CARMIL3: variants seen among roughly 807,000 people sequenced by gnomAD.
CARMIL3 encodes capping protein, Arp2/3 and myosin-I linker protein 3.
CARMIL3 carries 88 observed loss-of-function variants against 180.8 expected under a neutral mutation model. The observed-to-expected ratio is 0.49, with a 90% CI of 0.41 to 0.58. The LOEUF (loss-of-function observed/expected upper bound fraction) is 0.58, where lower values mean the gene tolerates loss of function less well. Among genes scored for constraint, CARMIL3 ranks in the 20% least tolerant of loss-of-function variants. The pLI is 0.00. For synonymous variants in CARMIL3, 696 were observed against 714.5 expected, an observed-to-expected ratio of 0.97 and a Z score of 0.41; for missense variants, 1,548 against 1,787.0, an observed-to-expected ratio of 0.87 and a Z score of 2.41.
rs371574140 is a variant in CARMIL3 at position 24,060,135 on chromosome 14, C to T, written c.1963-22C>T. 23 of 1,613,848 alleles carry T rather than the reference C, an allele frequency of 1.4e-5. No homozygotes were observed. The African/African-American group carries it at 2.9e-4, about 21-fold the overall frequency. The stretch of plus-strand genomic sequence containing the variant: ...GCAGCCCCCATCCCCAGGCCCTGAC[C>T]CACCAACCCCATCATCTCCAGATCC... On this transcript the variant is annotated intron_variant, in intron 23 of 39. Transcript: ENST00000342740.
chr14:24,054,798 C>A lies in CARMIL3; in HGVS notation c.450C>A (p.His150Gln). 6.2e-7 allele frequency: 1 copy of A among 1,613,942 alleles called. No individual in the cohort carries two copies. Among genetic ancestry groups the A allele is most frequent in the Non-Finnish European group, 8.5e-7 (1 of 1,179,872 alleles). Residue 150 changes from histidine to glutamine, a missense_variant, in exon 6 of 40, where the codon CAC becomes CAA. Transcript: ENST00000342740. The surrounding 1 kb of genome is among the most constrained non-coding windows in gnomAD (Gnocchi z 5.1). ...PNSETSTSTTHSVCGGFSETY... is the reference protein window; with the variant it reads ...PNSETSTSTTQSVCGGFSETY... ...CTGAGACTTCCACATCTACCACCCA[C>A]AGTGTCTGCGGTGAGCAGGGGCAGA...
At position 24,055,317 on chromosome 14, in the gene CARMIL3, A is replaced by T; in HGVS notation, c.605+7A>T. ...TCAGCCACTTGGAGAGCCGGTAAGC[A>T]GATGGGGCAGAGACTCCACCCTCAA... On this transcript the variant is annotated splice_region_variant and intron_variant, in intron 8 of 39. Coordinates refer to ENST00000342740, the MANE Select transcript of CARMIL3 (RefSeq NM_138360.4). 1 of 1,614,082 alleles carries T rather than the reference A, an allele frequency of 6.2e-7. No individual in the cohort carries two copies. The highest frequency in any genetic ancestry group is 8.5e-7 in the Non-Finnish European group (1 of 1,179,968).
chr14:24,068,165 G>A (rs748680921), intron 36 of CARMIL3, among the ~76,000 whole-genome samples: 7 of 152,348 alleles, frequency 4.6e-5, no homozygotes, highest in Middle Eastern at 3.4e-3. Context: ...TTGGGAGACC[G>A]AGGTAGGTGG....
rs766333493 is a variant in CARMIL3 at position 24,069,437 on chromosome 14, A to G, written c.*33A>G. On this transcript the variant is annotated 3_prime_UTR_variant, in exon 40 of 40. Transcript: ENST00000342740. ...CACAACACCCTCCTCAGCCCTCGAC[A>G]TGTGCCTCGCAAGGACTCAGACCCC... is the stretch of plus-strand genomic sequence containing the variant. The G allele has an allele frequency of 8.1e-6, 13 of 1,613,882 alleles. No homozygotes were observed. Among genetic ancestry groups the G allele is most frequent in the Non-Finnish European group, 1.1e-5 (13 of 1,179,916 alleles).
At chr14:24,052,340 G>T (rs1193558005) in intron 1 of CARMIL3, 147 bp downstream of exon 1, 1 of 767,250 alleles carries the variant, frequency 1.3e-6, no homozygotes, top group Admixed American at 3.4e-5. Context: ...ATTCCAGTCC[G>T]GGCATCGCTG....
At position 24,062,856 on chromosome 14, in the gene CARMIL3, C is replaced by T. The variant is rs554350168; in HGVS notation, c.2706+10C>T. ...ACTTGGGACCAACATTGTGAGCCCC[C>T]CGCTCCCTGCTCCTCCTTAATAACC... On this transcript the variant is annotated intron_variant, in intron 29 of 39. Coordinates refer to ENST00000342740, the MANE Select transcript of CARMIL3 (RefSeq NM_138360.4). The T allele has an allele frequency of 3.1e-6, 5 of 1,596,454 alleles. No homozygotes were observed. In the African/African-American group the frequency reaches 6.7e-5, roughly 21 times the overall value.
At chr14:24,066,989 T>C (rs998829725) in intron 36 of CARMIL3, among the ~76,000 whole-genome samples, 4 of 152,200 alleles carry the variant, frequency 2.6e-5, no homozygotes, top group African/African-American at 9.6e-5. Flanking sequence ...GGCTCCTCTC[T>C]GCACCTTGCT....
intron 14 of CARMIL3, 100 bp downstream of exon 14, chr14:24,057,344 G>A (rs981363074): frequency 9.1e-7 from 1 of 1,095,316 alleles, no homozygotes. Flanking sequence ...GGCGGGCAGA[G>A]CTGTCTAGAT....
chr14:24,060,287 C>G (rs1309286516), intron 24 of CARMIL3, 32 bp downstream of exon 24: 13 of 1,609,136 alleles, frequency 8.1e-6, no homozygotes, highest in East Asian at 6.7e-5. Flanking sequence ...ACGGGGCATA[C>G]CCGGGGCATG....
chr14:24,055,999 T>C (rs534002053), intron 10 of CARMIL3, among the ~76,000 whole-genome samples: 1 of 152,284 alleles, frequency 6.6e-6, no homozygotes, highest in South Asian at 2.1e-4. Context: ...TCCATGGCCT[T>C]TCCCCAGGAT....
At position 24,054,454 on chromosome 14, in the gene CARMIL3, T is replaced by C. The variant is rs2035651934; in HGVS notation, c.305T>C (p.Val102Ala). Residue 102 changes from valine to alanine, a missense_variant, in exon 5 of 40, where the codon GTG (valine) becomes GCG (alanine). Coordinates refer to ENST00000342740, the MANE Select transcript of CARMIL3 (RefSeq NM_138360.4). The surrounding 1 kb of genome is among the most constrained non-coding windows in gnomAD (Gnocchi z 5.1). ...VSMRLPSAES[V>A]DQVTRHVSSA... ...ATGCGACTGCCATCAGCTGAAAGTG[T>C]GGACCAGGTGACACGACATGTGAGC... is the stretch of plus-strand genomic sequence containing the variant. 4 of 1,614,012 alleles carry C rather than the reference T, an allele frequency of 2.5e-6. No individual in the cohort carries two copies. The African/African-American group carries it at 5.3e-5, about 22-fold the overall frequency.
rs201229217 is a variant in CARMIL3 at position 24,054,377 on chromosome 14, G to C, written c.247-19G>C. ...CAGAGAGGAGGGAGTCTGAGGCTCT[G>C]ACGCTTCGTCTCCCCCAGATCCTGG... On this transcript the variant is annotated intron_variant, in intron 4 of 39. Transcript: ENST00000342740. This position sits in a 1 kb window ranked among gnomAD's most constrained non-coding sequence, Gnocchi z 5.1. 4 of 1,613,868 alleles carry C rather than the reference G, an allele frequency of 2.5e-6. No individual in the cohort carries two copies. The African/African-American group carries it at 5.3e-5, about 22-fold the overall frequency.
In CARMIL3 at chr14:24,065,055, C is replaced by G. The variant is rs772373347; in HGVS notation, c.3178C>G (p.Arg1060Gly). The change falls in exon 33 of 40, where the codon CGG (arginine) becomes GGG (glycine). Residue 1060 changes from arginine (R) to glycine (G), a missense_variant. By Grantham distance (125) the Arg-to-Gly change is moderately radical. Transcript: ENST00000342740. The stretch of plus-strand genomic sequence containing the variant: ...GCGCCGGGGCCTGTTTCACTTTCGC[C>G]GGCCCCGGAGCTTCAAGGGGGACAG... ...KRRRGLFHFR[R>G]PRSFKGDRGP... The G allele has an allele frequency of 6.2e-7, 1 of 1,605,740 alleles. No individual in the cohort carries two copies. Among genetic ancestry groups the G allele is most frequent in the East Asian group, 2.2e-5 (1 of 44,660 alleles).
intron 33 of CARMIL3, 155 bp from the exon 34 acceptor site, chr14:24,065,467 G>GA: frequency 8.5e-7 from 1 of 1,178,328 alleles, no homozygotes; most frequent in Non-Finnish European, 1.2e-6. Flanking sequence ...TGCTATATGC[G>GA]AATGCAGGCG....
At position 24,061,322 on chromosome 14, in the gene CARMIL3, G is replaced by A. The variant is rs1195943354; in HGVS notation, c.2305-175G>A. The A allele has an allele frequency of 4.4e-6, 3 of 687,648 alleles. No homozygotes were observed. The African/African-American group carries it at 5.4e-5, about 12-fold the overall frequency. The allele number at this position is 687,648 out of a possible 1,614,324, so 42.6% of individuals were successfully genotyped here. ...TGTATGGTAGGGTGGAAGGAGCACT[G>A]ACCAGAAAGTGGGGAAGCCTTAGTG... On this transcript the variant is annotated intron_variant, in intron 26 of 39. Coordinates refer to ENST00000342740, the MANE Select transcript of CARMIL3 (RefSeq NM_138360.4). The surrounding 1 kb of genome is among the most constrained non-coding windows in gnomAD (Gnocchi z 4.1).
chr14:24,052,073 T>C lies in CARMIL3; in HGVS notation c.-81T>C. 1 of 1,423,432 alleles carries C rather than the reference T, an allele frequency of 7.0e-7. No homozygotes were observed. Among genetic ancestry groups the C allele is most frequent in the Non-Finnish European group, 9.3e-7 (1 of 1,079,422 alleles). The allele number at this position is 1,423,432 out of a possible 1,614,324, so 88.2% of individuals were successfully genotyped here. On this transcript the variant is annotated 5_prime_UTR_variant, in exon 1 of 40. Coordinates refer to ENST00000342740, the MANE Select transcript of CARMIL3 (RefSeq NM_138360.4). ...GCAGCGCTCAGCGCCCGGGCCCTGC[T>C]GAAGCCGGGTCTAGCATGTGCCGCG...
At position 24,068,617 on chromosome 14, in the gene CARMIL3, G is replaced by A. The variant is rs778219302; in HGVS notation, c.3716G>A (p.Ser1239Asn). ...EESAPNHSCQ[S>N]PSPASQDGEE... is the part of the protein sequence containing the mutation. Reference sequence around the variant, plus strand: ...AGTGCCCCCAACCACAGCTGCCAGAGTCCCAGCCCAGCCTCCCAAGATGGG... The same window carrying A: ...AGTGCCCCCAACCACAGCTGCCAGAATCCCAGCCCAGCCTCCCAAGATGGG... The change falls in exon 37 of 40, where the codon AGT (serine) becomes AAT (asparagine). Residue 1239 changes from serine to asparagine, a missense_variant. Transcript: ENST00000342740. 6.2e-7 allele frequency: 1 copy of A among 1,613,900 alleles called. No homozygotes were observed. Among genetic ancestry groups the A allele is most frequent in the Middle Eastern group, 1.7e-4 (1 of 6,056 alleles).
chr14:24,064,330 C>A lies in CARMIL3; in HGVS notation c.3064C>A (p.Leu1022Met), dbSNP rs10146906. 701,857 of 1,607,792 alleles carry A rather than the reference C, an allele frequency of 0.44. 158,465 individuals are homozygous for A. Among genetic ancestry groups the A allele is most frequent in the African/African-American group, 0.48 (36,107 of 74,828 alleles). Reference sequence around the variant, plus strand: ...GGAGGACTTCTTCAGCCGAAGGGTCCTGGAGGAAAGTTCTAGGTGTGATGC... The same window carrying A: ...GGAGGACTTCTTCAGCCGAAGGGTCATGGAGGAAAGTTCTAGGTGTGATGC... ...GLEDFFSRRV[L>M]EESSSYPRTL... Residue 1022 changes from leucine to methionine, a missense_variant, in exon 32 of 40, where the codon CTG becomes ATG. Leu to Met is a conservative substitution (Grantham distance 15, BLOSUM62 2). Around this residue, in one of 4 missense-constraint regions of CARMIL3, gnomAD observed 668 missense variants for 687.8 expected, o/e 0.97. Coordinates refer to ENST00000342740, the MANE Select transcript of CARMIL3 (RefSeq NM_138360.4).
Position 24,058,608 on chromosome 14 carries a change from A to G in CARMIL3, c.1393-72A>G, listed in dbSNP as rs2035698607. On this transcript the variant is annotated intron_variant, in intron 17 of 39. Coordinates refer to ENST00000342740, the MANE Select transcript of CARMIL3 (RefSeq NM_138360.4). This position sits in a 1 kb window ranked among gnomAD's most constrained non-coding sequence, Gnocchi z 6.4. The stretch of plus-strand genomic sequence containing the variant: ...GACTTTGAGTTCTGGTGTGACTACT[A>G]TATCCTAAGCATTAAAGGTGCCCTA... 4.1e-6 allele frequency: 5 copies of G among 1,234,160 alleles called. No individual in the cohort carries two copies. The highest frequency in any genetic ancestry group is 3.8e-5 in the South Asian group (3 of 78,366). 76.5% of individuals were successfully genotyped at this position (1,234,160 alleles called of 1,614,324 possible). A position where few individuals can be genotyped will look rare whatever the true frequency, so the allele number is the denominator to read the frequency against.
Sources: allele counts gnomAD v4.1 joint callset (sites outside exome capture counted in the v4.1 genomes callset), GRCh38; gene constraint gnomAD v4.1.1; regional missense constraint gnomAD v4.1.1; non-coding constraint Gnocchi (gnomAD v3.1); transcripts MANE v1.5; gene names NCBI Gene and HGNC (gene_info 2026-07-23, HGNC 2026-07-21).